Variants in WDR26 observed in about 807,000 individuals in gnomAD.
WDR26 encodes WD repeat-containing protein 26.
WDR26 carries 5 observed loss-of-function variants against 84.1 expected under a neutral mutation model. The observed-to-expected ratio is 0.06, with a 90% CI of 0.03 to 0.13. The LOEUF is 0.13. Among genes scored for constraint, WDR26 ranks in the 10% least tolerant of loss-of-function variants. The pLI is 1.00. For synonymous variants in WDR26, 415 were observed against 389.6 expected (o/e 1.07, Z -0.77); for missense variants, 642 against 974.9 (o/e 0.66, Z 4.55).
intron 7 of WDR26, among the ~76,000 whole-genome samples, chr1:224,409,095 TAC>T (rs1213743966): frequency 6.6e-6 from 1 of 152,144 alleles, no homozygotes; most frequent in Non-Finnish European, 1.5e-5. Flanking sequence ...CTAGCTAGTA[TAC>T]TAAATTAGGT....
Position 224,433,915 on chromosome 1 carries a change from G to A in WDR26, c.491C>T (p.Pro164Leu), listed in dbSNP as rs1013136770. 19 of 1,536,502 alleles carry A rather than the reference G, an allele frequency of 1.2e-5. No homozygotes were observed. Among genetic ancestry groups the A allele is most frequent in the Non-Finnish European group, 1.4e-5 (16 of 1,146,698 alleles). ...GTTGCTATTGTTGCTGGCGGCGGAGGGGGCGGAAGGCAGGAGCCCATTGGC... is the reference window on the plus strand; with the variant it reads ...GTTGCTATTGTTGCTGGCGGCGGAGAGGGCGGAAGGCAGGAGCCCATTGGC... Residue 164 changes from proline to leucine, a missense_variant, in exon 1 of 14, where the codon CCC (proline) becomes CTC (leucine). Physicochemically the swap from Pro to Leu is moderately conservative, Grantham distance 98 (BLOSUM62 -3). Around this residue, in one of 2 missense-constraint regions of WDR26, gnomAD observed 291 missense variants for 302.1 expected, o/e 0.96. Coordinates refer to ENST00000414423, the MANE Select transcript of WDR26 (RefSeq NM_001379403.1).
At chr1:224,404,743 TCTATTAAGCATCTACTACA>T (rs1188632606) in intron 7 of WDR26, among the ~76,000 whole-genome samples, 173 bp from the exon 8 acceptor site, 1 of 152,216 alleles carries the variant, frequency 6.6e-6, no homozygotes, top group Non-Finnish European at 1.5e-5. Flanking sequence ...CATTGCAACA[TCTATTAAGCATCTACTACA>T]CTATTAGGCA....
rs1369837758 is a variant in WDR26 at position 224,433,922 on chromosome 1, A to G, written c.484T>C (p.Ser162Pro). The change falls in exon 1 of 14, where the codon TCC becomes CCC. Residue 162 changes from serine to proline, a missense_variant. Physicochemically the swap from Ser to Pro is moderately conservative, Grantham distance 74. Transcript: ENST00000414423. ...TTGTTGCTGGCGGCGGAGGGGGCGG[A>G]AGGCAGGAGCCCATTGGCGTGGGCC... The G allele has an allele frequency of 6.5e-7, 1 of 1,535,982 alleles. No individual in the cohort carries two copies. Among genetic ancestry groups the G allele is most frequent in the African/African-American group, 1.4e-5 (1 of 72,920 alleles).
In WDR26 at chr1:224,433,913, A is replaced by G. The variant is rs887741575; in HGVS notation, c.493T>C (p.Ser165Pro). 6.5e-7 allele frequency: 1 copy of G among 1,536,214 alleles called. No individual in the cohort carries two copies. The highest frequency in any genetic ancestry group is 1.2e-5 in the South Asian group (1 of 84,032). The change falls in exon 1 of 14, where the codon TCC becomes CCC. Residue 165 changes from serine to proline, a missense_variant. Physicochemically the swap from Ser to Pro is moderately conservative, Grantham distance 74. Transcript: ENST00000414423. ...CTGTTGCTATTGTTGCTGGCGGCGG[A>G]GGGGGCGGAAGGCAGGAGCCCATTG...
intron 8 of WDR26, among the ~76,000 whole-genome samples, chr1:224,401,671 C>CAAAAAAAAAAAAAAAAAGAAAAAAAA (rs1673417301): frequency 2.0e-5 from 1 of 49,640 alleles, no homozygotes; most frequent in Non-Finnish European, 3.1e-5. Context: ...GAGACTGTCT[C>CAAAAAAAAAAAAAAAAAGAAAAAAAA]AAAAAAAAAA....
At chr1:224,419,811 A>G (rs907453394) in intron 4 of WDR26, among the ~76,000 whole-genome samples, 196 bp from the exon 5 acceptor site, 2 of 152,154 alleles carry the variant, frequency 1.3e-5, no homozygotes. Context: ...ACCTATATAT[A>G]TATTACCTAT....
At chr1:224,424,378 T>C (rs1052299659) in intron 4 of WDR26, 140 bp downstream of exon 4, 7 of 1,126,160 alleles carry the variant, frequency 6.2e-6, no homozygotes, top group Admixed American at 2.6e-5. Flanking sequence ...ACCAAAATAG[T>C]TGATCCACAC....
chr1:224,428,657 G>A (rs1350183122), intron 3 of WDR26, among the ~76,000 whole-genome samples: 1 of 151,898 alleles, frequency 6.6e-6, no homozygotes, highest in Non-Finnish European at 1.5e-5. Context: ...AGCACTCTGC[G>A]AGGCTGAGGC....
chr1:224,404,690 A>G (rs1304166373), intron 7 of WDR26, 120 bp from the exon 8 acceptor site: 2 of 1,253,920 alleles, frequency 1.6e-6, no homozygotes, highest in Non-Finnish European at 2.2e-6. Flanking sequence ...AAATTTTCAG[A>G]CCAATTTTCC....
At chr1:224,433,164 C>T (rs1674450456) in intron 1 of WDR26, among the ~76,000 whole-genome samples, 1 of 152,156 alleles carries the variant, frequency 6.6e-6, no homozygotes, top group African/African-American at 2.4e-5. Flanking sequence ...TTCCCATAAA[C>T]ACTTGTAGGT....
chr1:224,396,950 A>C (rs1673283672), intron 12 of WDR26, among the ~76,000 whole-genome samples: 1 of 152,198 alleles, frequency 6.6e-6, no homozygotes, highest in South Asian at 2.1e-4. Context: ...GCTTGATGTT[A>C]AAATCTAAAT....
intron 4 of WDR26, among the ~76,000 whole-genome samples, chr1:224,420,392 T>C (rs1334651900): frequency 6.6e-6 from 1 of 152,336 alleles, no homozygotes; most frequent in South Asian, 2.1e-4. Context: ...TATTCAAACA[T>C]GGAGATTAGA....
intron 6 of WDR26, chr1:224,413,309 A>G: frequency 2.4e-6 from 3 of 1,244,600 alleles, no homozygotes; most frequent in Non-Finnish European, 3.1e-6. Context: ...TCAATAATTT[A>G]GAATTACATT....
At chr1:224,414,925 C>A (rs1461772533) in intron 6 of WDR26, among the ~76,000 whole-genome samples, 4 of 152,212 alleles carry the variant, frequency 2.6e-5, no homozygotes, top group African/African-American at 9.7e-5. Context: ...GCTGCTCAGG[C>A]TGAGACGGGA....
In WDR26 at chr1:224,434,749, T is replaced by G. The variant is rs112454893; in HGVS notation, c.-344A>C. 45 of 987,006 alleles carry G rather than the reference T, an allele frequency of 4.6e-5. No individual in the cohort carries two copies. The highest frequency in any genetic ancestry group is 2.7e-4 in the South Asian group (6 of 22,160). 61.1% of individuals were successfully genotyped at this position (987,006 alleles called of 1,614,324 possible). ...CTGCCGCCTCTGTCCTCGGATCCGC[T>G]CCGCTCTGCTCCCTGGTGTGTTGAT... On this transcript the variant is annotated 5_prime_UTR_variant, in exon 1 of 14. Transcript: ENST00000414423.
At chr1:224,419,315 T>A (rs1423021691) in intron 5 of WDR26, 1 of 514,024 alleles carries the variant, frequency 1.9e-6, no homozygotes. Context: ...AAAGAAGGGC[T>A]GCTCTGGAAC....
intron 6 of WDR26, among the ~76,000 whole-genome samples, chr1:224,417,711 C>T (rs2102912303): frequency 6.6e-6 from 1 of 152,250 alleles, no homozygotes; most frequent in African/African-American, 2.4e-5. Flanking sequence ...AAGAAACCAA[C>T]AAAAACATCA....
Position 224,410,390 on chromosome 1 carries a change from C to A in WDR26, c.1458+1037G>T, listed in dbSNP as rs1673704064. On this transcript the variant is annotated intron_variant, in intron 7 of 13. Transcript: ENST00000414423. ...TCCTTAACCTATCCGGAGTCATGTG[C>A]TCCTTTGATCACTTGATAAATGTTC... Among the ~76,000 whole-genome samples the A allele has an allele frequency of 2.0e-5, 3 of 151,998 alleles. No homozygotes were observed. The South Asian group carries it at 6.2e-4, about 32-fold the overall frequency.
chr1:224,390,736 C>T (rs1042896086), intron 13 of WDR26, among the ~76,000 whole-genome samples: 7 of 152,080 alleles, frequency 4.6e-5, no homozygotes, highest in Non-Finnish European at 1.0e-4. Flanking sequence ...CACCACTGCA[C>T]TTCAGCCTGG....
Sources: allele counts gnomAD v4.1 joint callset (sites outside exome capture counted in the v4.1 genomes callset), GRCh38; gene constraint gnomAD v4.1.1; regional missense constraint gnomAD v4.1.1; transcripts MANE v1.5; gene names NCBI Gene and HGNC (gene_info 2026-07-23, HGNC 2026-07-21).